Variants in SOX5 observed in about 807,000 individuals in gnomAD.
SOX5 encodes SRY-box transcription factor 5.
SOX5 carries 9 observed loss-of-function variants against 92.0 expected under a neutral mutation model. The ratio of observed to expected loss-of-function variants is 0.10; its 90% CI spans 0.06 to 0.17. SOX5 has a LOEUF of 0.17. Among genes scored for constraint, SOX5 ranks in the 10% least tolerant of loss-of-function variants. The pLI, the probability that SOX5 is intolerant of heterozygous loss-of-function variation, is 1.00. For synonymous variants in SOX5, 344 were observed against 336.3 expected, an observed-to-expected ratio of 1.02 and a Z score of -0.25; for missense variants, 642 against 944.5, an observed-to-expected ratio of 0.68 and a Z score of 4.20.
At chr12:24,037,732 C>T (rs905474371) in intron 4 of SOX5, among the ~76,000 whole-genome samples, 48 of 152,122 alleles carry the variant, frequency 3.2e-4, no homozygotes, top group African/African-American at 1.0e-3. Flanking sequence ...AATGTGCACT[C>T]ATACACATCT....
intron 1 of SOX5, among the ~76,000 whole-genome samples, chr12:23,945,782 A>G (rs1944491231): frequency 6.6e-6 from 1 of 152,200 alleles, no homozygotes; most frequent in South Asian, 2.1e-4. Context: ...ATTCACACCT[A>G]GAGTGTGCCT....
At chr12:23,770,937 A>G (rs1356266605) in intron 3 of SOX5, among the ~76,000 whole-genome samples, 1 of 152,212 alleles carries the variant, frequency 6.6e-6, no homozygotes, top group Non-Finnish European at 1.5e-5. Context: ...GTTTATAAAC[A>G]TGCTATATCT....
chr12:24,481,227 TAA>T (rs776728321), intron 1 of SOX5, among the ~76,000 whole-genome samples: 134 of 151,824 alleles, frequency 8.8e-4, no homozygotes, highest in African/African-American at 2.6e-3. Context: ...CTCATGGAGA[TAA>T]AGAGTAGAAG....
intron 2 of SOX5, among the ~76,000 whole-genome samples, chr12:23,858,231 A>G (rs927186557): frequency 6.6e-6 from 1 of 152,142 alleles, no homozygotes; most frequent in African/African-American, 2.4e-5. Flanking sequence ...TGCACAGCAA[A>G]AGAAACTATC....
intron 4 of SOX5, among the ~76,000 whole-genome samples, chr12:24,107,192 G>A (rs1352243664): frequency 6.6e-6 from 1 of 152,114 alleles, no homozygotes. Flanking sequence ...TATGCCTCAT[G>A]ACAACAAGCT....
chr12:23,981,371 C>A (rs1437853300), intron 4 of SOX5, among the ~76,000 whole-genome samples: 1 of 152,178 alleles, frequency 6.6e-6, no homozygotes, highest in Admixed American at 6.6e-5. Flanking sequence ...TTTTTTCCAA[C>A]TGCAATTCAA....
intron 4 of SOX5, among the ~76,000 whole-genome samples, chr12:24,149,032 G>C (rs905971449): frequency 6.6e-6 from 1 of 151,986 alleles, no homozygotes; most frequent in Admixed American, 6.6e-5. Flanking sequence ...TATTCATAAG[G>C]AAAAATAAAA....
At chr12:24,014,056 T>C (rs1320899856) in intron 4 of SOX5, among the ~76,000 whole-genome samples, 2 of 152,228 alleles carry the variant, frequency 1.3e-5, no homozygotes, top group Non-Finnish European at 2.9e-5. Flanking sequence ...TACAGGAACC[T>C]GAGAACCCTT....
chr12:23,749,587 A>G (rs2094119272), intron 4 of SOX5, among the ~76,000 whole-genome samples: 1 of 151,868 alleles, frequency 6.6e-6, no homozygotes, highest in African/African-American at 2.4e-5. Flanking sequence ...GGACATTATG[A>G]AAGAGATGTA....
chr12:24,533,381 G>A (rs1367592582), intron 1 of SOX5, among the ~76,000 whole-genome samples: 1 of 152,134 alleles, frequency 6.6e-6, no homozygotes, highest in South Asian at 2.1e-4. Flanking sequence ...TGGAACACAG[G>A]CTCTTTATAA....
intron 3 of SOX5, among the ~76,000 whole-genome samples, chr12:24,240,907 A>G (rs1288065908): frequency 1.3e-5 from 2 of 152,212 alleles, no homozygotes; most frequent in Non-Finnish European, 2.9e-5. Context: ...TCTTAATGAC[A>G]TCATTTTAAA....
rs148515994 is a variant in SOX5, at chr12:24,282,548, T to C, written c.-173-5236A>G. ...ACTAGAAACAAAAAAAAAAAAGGTG[T>C]TGCCCAATTTGAACAGGAAAACAAT... On this transcript the variant is annotated intron_variant, in intron 2 of 4. Transcript: ENST00000446891. Among the ~76,000 whole-genome samples, 823 of 150,316 alleles carry C rather than the reference T, an allele frequency of 5.5e-3. 5 individuals are homozygous for C. The highest frequency in any genetic ancestry group is 0.017 in the Middle Eastern group (5 of 288).
chr12:23,892,210 G>C (rs937208237), intron 2 of SOX5, among the ~76,000 whole-genome samples: 3 of 152,158 alleles, frequency 2.0e-5, no homozygotes, highest in Non-Finnish European at 2.9e-5. Context: ...GGAGGTCAGT[G>C]AAAGCATCTA....
chr12:23,960,532 T>TATATATTTATATACATATATATATATAC lies in SOX5; in HGVS notation c.-1-64509_-1-64508insGTATATATATATATGTATATAAATATAT, dbSNP rs1569275239. Among the ~76,000 whole-genome samples, 16 of 31,526 alleles carry TATATATTTATATACATATATATATATAC rather than the reference T, an allele frequency of 5.1e-4. No homozygotes were observed. The South Asian group carries it at 5.6e-3, about 11-fold the overall frequency. 20.7% of individuals were successfully genotyped at this position (31,526 alleles called of 152,430 possible). On this transcript the variant is annotated intron_variant, in intron 4 of 4. Coordinates refer to the SOX5 transcript ENST00000446891. ...TTATATACATATATATATATATACA[T>TATATATTTATATACATATATATATATAC]ATATATATATATATGAAGTCAGTTA...
chr12:24,547,041 T>A (rs1402291073), intron 1 of SOX5, among the ~76,000 whole-genome samples: 1 of 152,174 alleles, frequency 6.6e-6, no homozygotes, highest in Non-Finnish European at 1.5e-5. Flanking sequence ...GTAACTGTAT[T>A]ACTAAACTGA....
chr12:24,290,405 C>A (rs1341268580), intron 2 of SOX5, among the ~76,000 whole-genome samples: 1 of 152,150 alleles, frequency 6.6e-6, no homozygotes, highest in African/African-American at 2.4e-5. Flanking sequence ...TTTCTACATG[C>A]CAGGCACTTT....
At chr12:24,001,193 T>A (rs1951577274) in intron 4 of SOX5, among the ~76,000 whole-genome samples, 1 of 152,118 alleles carries the variant, frequency 6.6e-6, no homozygotes. Flanking sequence ...TGGGCTCCAG[T>A]GATCCACCTG....
chr12:23,687,393 G>A (rs1338280856), intron 6 of SOX5, among the ~76,000 whole-genome samples: 1 of 151,824 alleles, frequency 6.6e-6, no homozygotes, highest in Non-Finnish European at 1.5e-5. Flanking sequence ...ACACACGCAC[G>A]ATATTATACT....
intron 4 of SOX5, among the ~76,000 whole-genome samples, chr12:24,003,652 C>T (rs1424222781): frequency 6.6e-6 from 1 of 151,742 alleles, no homozygotes; most frequent in African/African-American, 2.4e-5. Context: ...AATTAAAGAA[C>T]CAAATAAAGG....
Sources: gnomAD v4.1 joint callset for allele counts (sites outside exome capture counted in the v4.1 genomes callset) on GRCh38, gnomAD v4.1.1 for gene constraint, MANE v1.5 for transcripts, NCBI Gene and HGNC (gene_info 2026-07-23, HGNC 2026-07-21) for gene names.